Variants in MCC observed in about 807,000 individuals in gnomAD.
MCC encodes colorectal mutant cancer protein.
MCC carries 90 observed loss-of-function variants against 116.2 expected under a neutral mutation model. The observed-to-expected ratio is 0.77, with a 90% confidence interval of 0.65 to 0.92. The LOEUF (loss-of-function observed/expected upper bound fraction) is 0.92, where lower values mean the gene tolerates loss of function less well. Among genes scored for constraint, MCC ranks in the 40% least tolerant of loss-of-function variants. MCC has a pLI of 0.00. For synonymous variants in MCC, 578 were observed against 510.5 expected, an observed-to-expected ratio of 1.13 and a Z score of -1.78; for missense variants, 1,516 against 1,312.2, an observed-to-expected ratio of 1.16 and a Z score of -2.40.
intron 7 of MCC, among the ~76,000 whole-genome samples, chr5:113,102,553 C>T (rs1238794449): frequency 6.6e-6 from 1 of 152,090 alleles, no homozygotes; most frequent in African/African-American, 2.4e-5. Context: ...GTGGAGATTT[C>T]TAAGACAGCA....
At chr5:113,136,955 T>C (rs1758870968) in intron 5 of MCC, among the ~76,000 whole-genome samples, 1 of 152,186 alleles carries the variant, frequency 6.6e-6, no homozygotes. Flanking sequence ...GGAAAGGCCT[T>C]CAGTTTTTCC....
chr5:113,412,370 T>A (rs1259165301), intron 1 of MCC, among the ~76,000 whole-genome samples: 1 of 152,078 alleles, frequency 6.6e-6, no homozygotes, highest in African/African-American at 2.4e-5. Flanking sequence ...GGCAGTATGG[T>A]CATTTTCACA....
At chr5:113,321,277 A>G (rs921476032) in intron 3 of MCC, among the ~76,000 whole-genome samples, 1 of 152,238 alleles carries the variant, frequency 6.6e-6, no homozygotes, top group African/African-American at 2.4e-5. Context: ...TGTAAAATAA[A>G]TAGGAAAACT....
In MCC at chr5:113,064,111, G is replaced by A. The variant is rs201019950; in HGVS notation, c.2086C>T (p.Arg696Trp). Residue 696 changes from arginine (R) to tryptophan (W), a missense_variant, in exon 14 of 19, where the codon CGG (arginine) becomes TGG (tryptophan). Physicochemically the swap from Arg to Trp is moderately radical, Grantham distance 101. Transcript: ENST00000408903. ...TTGGCAGCGTTCTCAGCTGTCTTCCGGCAGTCATGAGCTCGCTTGAGCATC... is the reference window on the plus strand; with the variant it reads ...TTGGCAGCGTTCTCAGCTGTCTTCCAGCAGTCATGAGCTCGCTTGAGCATC... ...TQMLKRAHDC[R>W]KTAENAAKAL... 4.3e-6 allele frequency: 7 copies of A among 1,614,006 alleles called. No homozygotes were observed. Among genetic ancestry groups the A allele is most frequent in the East Asian group, 2.2e-5 (1 of 44,892 alleles).
intron 3 of MCC, among the ~76,000 whole-genome samples, chr5:113,268,958 C>T (rs1470028380): frequency 6.6e-6 from 1 of 151,810 alleles, no homozygotes; most frequent in Non-Finnish European, 1.5e-5. Context: ...AAAAGCTAGG[C>T]TTTTTTTTCT....
At chr5:113,402,018 G>A (rs1769701408) in intron 1 of MCC, among the ~76,000 whole-genome samples, 2 of 151,688 alleles carry the variant, frequency 1.3e-5, no homozygotes, top group South Asian at 4.2e-4. Flanking sequence ...CTCAGGGCCG[G>A]GCGCGGTGGC....
chr5:113,455,838 A>G (rs778557148), intron 1 of MCC, among the ~76,000 whole-genome samples: 4 of 152,226 alleles, frequency 2.6e-5, no homozygotes, highest in Non-Finnish European at 4.4e-5. Flanking sequence ...AAAGCCGTCC[A>G]TTTTACAGCT....
At chr5:113,087,047 G>C (rs2150245735) in intron 8 of MCC, among the ~76,000 whole-genome samples, 1 of 152,338 alleles carries the variant, frequency 6.6e-6, no homozygotes, top group African/African-American at 2.4e-5. Context: ...TAGACAGGAA[G>C]AGTGGAGCCA....
intron 3 of MCC, among the ~76,000 whole-genome samples, chr5:113,190,388 G>A (rs142124410): frequency 6.6e-6 from 1 of 152,296 alleles, no homozygotes; most frequent in African/African-American, 2.4e-5. Context: ...GGCCTACATA[G>A]CAAAGGCAAA....
chr5:113,402,432 G>C (rs1369606713), intron 1 of MCC, among the ~76,000 whole-genome samples: 1 of 152,052 alleles, frequency 6.6e-6, no homozygotes. Flanking sequence ...GGGAATACAG[G>C]TGTGAGCCAC....
At chr5:113,036,461 A>G (rs1751338008) in intron 17 of MCC, among the ~76,000 whole-genome samples, 1 of 152,226 alleles carries the variant, frequency 6.6e-6, no homozygotes, top group Non-Finnish European at 1.5e-5. Flanking sequence ...AAGGGAATAC[A>G]GTAGAGTGCA....
chr5:113,035,827 A>T (rs1751291147), intron 17 of MCC, among the ~76,000 whole-genome samples: 1 of 152,110 alleles, frequency 6.6e-6, no homozygotes. Flanking sequence ...AAAAATCTCC[A>T]CAGTGACTGT....
Position 113,025,256 on chromosome 5 carries a change from TG to T in MCC, c.*2045del, listed in dbSNP as rs199940390. The T allele has an allele frequency of 2.6e-5, 4 of 151,136 alleles. No individual in the cohort carries two copies. The highest frequency in any genetic ancestry group is 9.7e-5 in the African/African-American group (4 of 41,150). The allele number at this position is 151,136 out of a possible 1,614,324, so 9.4% of individuals were successfully genotyped here. On this transcript the variant is annotated 3_prime_UTR_variant, in exon 19 of 19. Coordinates refer to ENST00000408903, the MANE Select transcript of MCC (RefSeq NM_001085377.2). ...TAGTGAAAACTGATTTTTTTTTTTT[TG>T]GGGCATATGTTTTTCAGCCAAAACA... is the stretch of plus-strand genomic sequence containing the variant.
intron 1 of MCC, among the ~76,000 whole-genome samples, chr5:113,417,189 C>T (rs1211705384): frequency 6.6e-6 from 1 of 152,102 alleles, no homozygotes; most frequent in Non-Finnish European, 1.5e-5. Flanking sequence ...AGGATAGTCT[C>T]AATCTCCTGA....
At chr5:113,070,968 C>G (rs1171920616) in intron 12 of MCC, 126 bp downstream of exon 12, 3 of 1,009,056 alleles carry the variant, frequency 3.0e-6, no homozygotes, top group Non-Finnish European at 4.3e-6. Flanking sequence ...TCCAAACCGC[C>G]AGATATGCCT....
At chr5:113,151,770 G>C (rs1226502687) in intron 3 of MCC, among the ~76,000 whole-genome samples, 2 of 152,160 alleles carry the variant, frequency 1.3e-5, no homozygotes, top group Non-Finnish European at 2.9e-5. Context: ...TTCTAATCAT[G>C]AGAGTCAAGA....
chr5:113,294,321 T>C (rs1766632853), intron 3 of MCC: 2 of 1,613,606 alleles, frequency 1.2e-6, no homozygotes, highest in African/African-American at 1.3e-5. Flanking sequence ...ACCTCAGCTG[T>C]TTCTTACCTC....
chr5:113,363,074 T>A (rs531074719), intron 2 of MCC, among the ~76,000 whole-genome samples: 1 of 151,330 alleles, frequency 6.6e-6, no homozygotes, highest in Non-Finnish European at 1.5e-5. Flanking sequence ...GGTCAGGAGA[T>A]CAAGGCCAGC....
chr5:113,237,591 G>A (rs1288038701), intron 3 of MCC, among the ~76,000 whole-genome samples: 2 of 152,206 alleles, frequency 1.3e-5, no homozygotes, highest in Non-Finnish European at 2.9e-5. Context: ...CAGTCACCAA[G>A]GCACTGGGAG....
Sources: allele counts gnomAD v4.1 joint callset (sites outside exome capture counted in the v4.1 genomes callset), GRCh38; gene constraint gnomAD v4.1.1; transcripts MANE v1.5; gene names NCBI Gene and HGNC (gene_info 2026-07-23, HGNC 2026-07-21).